CTNNA2: variants seen among roughly 807,000 people sequenced by gnomAD.
CTNNA2 encodes catenin alpha 2.
CTNNA2 carries 42 observed loss-of-function variants against 101.0 expected under a neutral mutation model. The ratio of observed to expected loss-of-function variants is 0.42; its 90% CI spans 0.32 to 0.54. The LOEUF (loss-of-function observed/expected upper bound fraction) is 0.54. CTNNA2 is among the 20% of genes least tolerant of loss of function. The pLI is 0.14. For missense variants in CTNNA2, 871 were observed against 1,223.1 expected, an observed-to-expected ratio of 0.71 and a Z score of 4.29; for synonymous variants, 450 against 456.4, an observed-to-expected ratio of 0.99 and a Z score of 0.18.
At chr2:80,591,734 C>G (rs958852968) in intron 15 of CTNNA2, among the ~76,000 whole-genome samples, 6 of 152,040 alleles carry the variant, frequency 3.9e-5, no homozygotes, top group African/African-American at 1.4e-4. Flanking sequence ...ACACAATACC[C>G]TGGCATTTAT....
At chr2:79,897,046 A>G (rs1490480033) in intron 6 of CTNNA2, among the ~76,000 whole-genome samples, 3 of 152,006 alleles carry the variant, frequency 2.0e-5, no homozygotes, top group Non-Finnish European at 4.4e-5. Context: ...GTGAGATTAT[A>G]TTTTTTTTAC....
intron 9 of CTNNA2, among the ~76,000 whole-genome samples, chr2:80,533,816 T>C (rs1690750956): frequency 6.6e-6 from 1 of 152,202 alleles, no homozygotes; most frequent in Non-Finnish European, 1.5e-5. Context: ...AATCCCCTGA[T>C]GCCTTTAGTA....
chr2:80,333,355 T>A (rs919646688), intron 7 of CTNNA2, among the ~76,000 whole-genome samples: 1 of 152,154 alleles, frequency 6.6e-6, no homozygotes, highest in Non-Finnish European at 1.5e-5. Context: ...TTGGGCTTTG[T>A]GGGTGATTGA....
At chr2:79,229,305 C>T (rs1674460601) in intron 2 of CTNNA2, among the ~76,000 whole-genome samples, 1 of 152,142 alleles carries the variant, frequency 6.6e-6, no homozygotes, top group African/African-American at 2.4e-5. Flanking sequence ...AGAATTCCCA[C>T]ATGTTGTGGG....
At chr2:79,590,077 A>C (rs575723662) in intron 1 of CTNNA2, among the ~76,000 whole-genome samples, 2 of 152,284 alleles carry the variant, frequency 1.3e-5, no homozygotes, top group East Asian at 1.9e-4. Context: ...CATGTGTCTC[A>C]GTTTTTCTTT....
At chr2:79,422,920 C>A (rs190222066) in intron 4 of CTNNA2, among the ~76,000 whole-genome samples, 1 of 152,116 alleles carries the variant, frequency 6.6e-6, no homozygotes, top group South Asian at 2.1e-4. Flanking sequence ...AGAGTACATA[C>A]TGCAGTTTGT....
chr2:79,257,682 T>C (rs1674865809), intron 2 of CTNNA2, among the ~76,000 whole-genome samples: 1 of 151,552 alleles, frequency 6.6e-6, no homozygotes, highest in Non-Finnish European at 1.5e-5. Context: ...AAAGAACAAG[T>C]AATTGAGAGG....
intron 1 of CTNNA2, among the ~76,000 whole-genome samples, chr2:79,618,459 A>T (rs1558775683): frequency 1.3e-5 from 2 of 151,680 alleles, no homozygotes; most frequent in African/African-American, 4.8e-5. Context: ...ATTAGAATTT[A>T]TTTTTTTTAA....
At position 80,347,007 on chromosome 2, in the gene CTNNA2, T is replaced by A. The variant is rs1267162169; in HGVS notation, c.1057-46204T>A. Among the ~76,000 whole-genome samples, 4 of 152,226 alleles carry A rather than the reference T, an allele frequency of 2.6e-5. No individual in the cohort carries two copies. The East Asian group carries it at 7.7e-4, about 29-fold the overall frequency. ...GCTAGAAAGGTTTGAAGATCTGGAC[T>A]TACATGCTGGGATCCTGTCTTGATT... On this transcript the variant is annotated intron_variant, in intron 7 of 18. Coordinates refer to ENST00000402739, the MANE Select transcript of CTNNA2 (RefSeq NM_001282597.3).
intron 3 of CTNNA2, chr2:79,776,967 C>T (rs767956896): frequency 6.6e-6 from 1 of 152,114 alleles, no homozygotes; most frequent in Non-Finnish European, 1.5e-5. Flanking sequence ...GGAATTAACT[C>T]ACAACTTGAT....
At chr2:80,544,786 C>G (rs1043361141) in intron 9 of CTNNA2, among the ~76,000 whole-genome samples, 196 bp from the exon 10 acceptor site, 12 of 152,146 alleles carry the variant, frequency 7.9e-5, no homozygotes, top group African/African-American at 2.9e-4. Flanking sequence ...TCGTGAAATG[C>G]CTTTTCTGAC....
At chr2:80,065,850 G>C (rs142624270) in intron 7 of CTNNA2, among the ~76,000 whole-genome samples, 1 of 152,268 alleles carries the variant, frequency 6.6e-6, no homozygotes, top group African/African-American at 2.4e-5. Context: ...CCCACCTTAG[G>C]AGTGGATAGC....
chr2:80,436,930 A>G (rs1682093968), intron 9 of CTNNA2, among the ~76,000 whole-genome samples: 1 of 152,216 alleles, frequency 6.6e-6, no homozygotes, highest in Non-Finnish European at 1.5e-5. Context: ...GCACTCCTCA[A>G]AATTCTTATG....
intron 7 of CTNNA2, among the ~76,000 whole-genome samples, chr2:79,963,048 G>A (rs2104539138): frequency 7.1e-6 from 1 of 140,978 alleles, no homozygotes; most frequent in Admixed American, 7.4e-5. Context: ...TCCAGCCTGG[G>A]CGACAGAGCC....
chr2:80,386,814 T>G (rs1329048009), intron 7 of CTNNA2, among the ~76,000 whole-genome samples: 2 of 152,204 alleles, frequency 1.3e-5, no homozygotes, highest in East Asian at 1.9e-4. Flanking sequence ...GCAGGTCCCT[T>G]CAAGGGAAAG....
intron 7 of CTNNA2, chr2:80,299,766 C>T (rs1676075951): frequency 6.6e-6 from 1 of 152,134 alleles, no homozygotes; most frequent in Non-Finnish European, 1.5e-5. Context: ...ATTCAGATTT[C>T]TAGAGGGTAG....
chr2:79,202,886 T>G (rs1007825862), intron 2 of CTNNA2, among the ~76,000 whole-genome samples: 8 of 152,218 alleles, frequency 5.3e-5, no homozygotes, highest in African/African-American at 1.7e-4. Flanking sequence ...TGGGTGCAGT[T>G]GCTTTTAACA....
chr2:80,589,582 A>T, intron 15 of CTNNA2, 97 bp downstream of exon 15: 1 of 1,156,006 alleles, frequency 8.7e-7, no homozygotes. Context: ...AAATTAAAAT[A>T]TACCAACGCA....
At chr2:79,970,827 A>T (rs911474933) in intron 7 of CTNNA2, among the ~76,000 whole-genome samples, 1 of 152,098 alleles carries the variant, frequency 6.6e-6, no homozygotes, top group Non-Finnish European at 1.5e-5. Context: ...TGAAAGTCAC[A>T]CTCAGAGGGG....
Sources: gnomAD v4.1 joint callset for allele counts (sites outside exome capture counted in the v4.1 genomes callset) on GRCh38, gnomAD v4.1.1 for gene constraint, MANE v1.5 for transcripts, NCBI Gene and HGNC (gene_info 2026-07-23, HGNC 2026-07-21) for gene names.